GPRC6A: variants seen among roughly 807,000 people sequenced by gnomAD.
GPRC6A encodes the protein G protein-coupled receptor class C group 6 member A, also known as G protein-coupled receptor family C group 6 member A.
In GPRC6A, 54 loss-of-function variants were observed where a neutral mutation model predicts 47.0. That is an observed-to-expected ratio of 1.15 (90% confidence interval 0.92 to 1.44). The LOEUF is 1.44. Ranked by LOEUF, GPRC6A falls within the 40% of genes most tolerant of loss-of-function variation. The pLI is 0.00. For missense variants in GPRC6A, 1,112 were observed against 1,105.5 expected (o/e 1.01, Z -0.08); for synonymous variants, 347 against 377.1 (o/e 0.92, Z 0.93).
At chr6:116,797,127 T>C (rs1366162810) in intron 4 of GPRC6A, among the ~76,000 whole-genome samples, 1 of 151,780 alleles carries the variant, frequency 6.6e-6, no homozygotes, top group Non-Finnish European at 1.5e-5. Context: ...AGTGAGAATA[T>C]GAGGTGTTTG....
At chr6:116,795,406 C>T (rs1416840321) in intron 5 of GPRC6A, among the ~76,000 whole-genome samples, 2 of 152,034 alleles carry the variant, frequency 1.3e-5, no homozygotes, top group Admixed American at 1.3e-4. Context: ...GATACATGGA[C>T]AAAATTGACA....
rs146010703 is a variant in GPRC6A at position 116,792,811 on chromosome 6, C to T, written c.2112G>A (p.Pro704=). The T allele has an allele frequency of 1.7e-4, 269 of 1,613,938 alleles. 1 individual carries two copies. In the African/African-American group the frequency reaches 2.5e-3, roughly 15 times the overall value. The change falls in exon 6 of 6, where the codon CCG becomes CCA. Residue 704 remains proline (P), a synonymous_variant. Coordinates refer to ENST00000310357, the MANE Select transcript of GPRC6A (RefSeq NM_148963.4). ...CCGTGCAAGTGAAGATAATAAGGAT[C>T]GGTCTATAGAGGCACTTCAGAAATT... ...LQKFLKCLYR[P]ILIIFTCTGI... is the part of the protein sequence containing the mutation.
intron 1 of GPRC6A, among the ~76,000 whole-genome samples, chr6:116,815,311 C>T (rs1238131216): frequency 2.0e-5 from 3 of 152,010 alleles, no homozygotes; most frequent in Non-Finnish European, 4.4e-5. Flanking sequence ...GATGAAACCC[C>T]AACTCTACTA....
At chr6:116,810,754 T>G (rs1259207708) in intron 1 of GPRC6A, among the ~76,000 whole-genome samples, 2 of 151,942 alleles carry the variant, frequency 1.3e-5, no homozygotes, top group Non-Finnish European at 2.9e-5. Context: ...TTAAGAAATT[T>G]TAATTTAATT....
At chr6:116,794,589 A>G (rs978631350) in intron 5 of GPRC6A, among the ~76,000 whole-genome samples, 4 of 152,198 alleles carry the variant, frequency 2.6e-5, no homozygotes, top group African/African-American at 9.6e-5. Flanking sequence ...TTTATGGAAA[A>G]TAAATGTTAC....
chr6:116,823,075 T>A (rs1412235071), intron 1 of GPRC6A, among the ~76,000 whole-genome samples: 1 of 152,024 alleles, frequency 6.6e-6, no homozygotes, highest in Non-Finnish European at 1.5e-5. Flanking sequence ...CTTCAATTCC[T>A]CCCCCAGAAA....
At chr6:116,811,527 T>C (rs997177670) in intron 1 of GPRC6A, among the ~76,000 whole-genome samples, 1 of 151,914 alleles carries the variant, frequency 6.6e-6, no homozygotes, top group Non-Finnish European at 1.5e-5. Flanking sequence ...AAGCAATTAA[T>C]GAAATTCCAG....
chr6:116,816,607 G>C (rs1216286910), intron 1 of GPRC6A, among the ~76,000 whole-genome samples: 2 of 152,234 alleles, frequency 1.3e-5, no homozygotes, highest in African/African-American at 4.8e-5. Context: ...GGTGATTTCT[G>C]CATTTCCATC....
intron 1 of GPRC6A, 48 bp downstream of exon 1, chr6:116,828,772 T>A (rs1366208693): frequency 6.6e-7 from 1 of 1,515,702 alleles, no homozygotes; most frequent in Non-Finnish European, 9.0e-7. Context: ...TATGTCCTAG[T>A]CTCATGACAA....
In GPRC6A at chr6:116,807,059, T is replaced by A; in HGVS notation, c.646A>T (p.Thr216Ser). Reference protein sequence around the residue: ...SGWNWIGIITTDDDYGRLALN... With the variant: ...SGWNWIGIITSDDDYGRLALN... ...GCCAATCGTCCATAGTCATCATCTG[T>A]GGTTATGATGCCAATCCAGTTCCAA... Residue 216 changes from threonine to serine, a missense_variant, in exon 3 of 6, where the codon ACA (threonine) becomes TCA (serine). Thr to Ser is a moderately conservative substitution (Grantham distance 58, BLOSUM62 1). Transcript: ENST00000310357. 6.2e-7 allele frequency: 1 copy of A among 1,613,666 alleles called. No individual in the cohort carries two copies.
chr6:116,828,747 C>G lies in GPRC6A; in HGVS notation c.194+73G>C, dbSNP rs1340580047. The G allele has an allele frequency of 1.7e-5, 20 of 1,203,728 alleles. No individual in the cohort carries two copies. The Middle Eastern group carries it at 6.0e-4, about 36-fold the overall frequency. 74.6% of individuals were successfully genotyped at this position (1,203,728 alleles called of 1,614,324 possible). ...TTTTTAAATGATTTAGATATTAATACAAGTTAACAGTTTATATGTCCTAGT... is the reference window on the plus strand; with the variant it reads ...TTTTTAAATGATTTAGATATTAATAGAAGTTAACAGTTTATATGTCCTAGT... On this transcript the variant is annotated intron_variant, in intron 1 of 5. Transcript: ENST00000310357.
chr6:116,807,572 T>C (rs1772895894), intron 2 of GPRC6A, among the ~76,000 whole-genome samples: 2 of 152,204 alleles, frequency 1.3e-5, no homozygotes, highest in Admixed American at 1.3e-4. Flanking sequence ...AACATCAGTG[T>C]GTGCAAAATC....
In GPRC6A at chr6:116,824,871, T is replaced by G. The variant is rs188956924; in HGVS notation, c.194+3949A>C. Reference sequence around the variant, plus strand: ...AATACTAGTGAACAGAATTCAACAGTGCGTCACAAAGATAATACACCATGA... The same window carrying G: ...AATACTAGTGAACAGAATTCAACAGGGCGTCACAAAGATAATACACCATGA... On this transcript the variant is annotated intron_variant, in intron 1 of 5. Coordinates refer to ENST00000310357, the MANE Select transcript of GPRC6A (RefSeq NM_148963.4). 8.6e-5 allele frequency among the ~76,000 whole-genome samples: 13 copies of G among 152,024 alleles called. 1 individual carries two copies. The highest frequency in any genetic ancestry group is 8.5e-4 in the Admixed American group (13 of 15,242).
In GPRC6A at chr6:116,829,020, A is replaced by G; in HGVS notation, c.-7T>C. ...GTATAATTAAGAATGCCATGTTTCTATCTCATTTGCTCAGTTCATGTGAGT... is the reference window on the plus strand; with the variant it reads ...GTATAATTAAGAATGCCATGTTTCTGTCTCATTTGCTCAGTTCATGTGAGT... On this transcript the variant is annotated 5_prime_UTR_variant, in exon 1 of 6. The change abolishes the stop of an existing upstream ORF in the 5' untranslated region. Transcript: ENST00000310357. 2 of 1,608,182 alleles carry G rather than the reference A, an allele frequency of 1.2e-6. No homozygotes were observed. The highest frequency in any genetic ancestry group is 1.1e-5 in the South Asian group (1 of 90,314).
In GPRC6A at chr6:116,800,755, C is replaced by A. The variant is rs1772647806; in HGVS notation, c.1377G>T (p.Trp459Cys). The A allele has an allele frequency of 1.2e-6, 2 of 1,610,932 alleles. No individual in the cohort carries two copies. Among genetic ancestry groups the A allele is most frequent in the Admixed American group, 1.7e-5 (1 of 59,932 alleles). Residue 459 changes from tryptophan (W) to cysteine (C), a missense_variant, in exon 4 of 6, where the codon TGG becomes TGT. Coordinates refer to ENST00000310357, the MANE Select transcript of GPRC6A (RefSeq NM_148963.4). ...CGTGAGCATCAAAATGAAATGAATTCCATCCATCAGTGAATGTCACATTTT... is the reference window on the plus strand; with the variant it reads ...CGTGAGCATCAAAATGAAATGAATTACATCCATCAGTGAATGTCACATTTT... ...VLKNVTFTDG[W>C]NSFHFDAHGD... is the part of the protein sequence containing the mutation.
chr6:116,818,663 A>T (rs1582475349), intron 1 of GPRC6A, among the ~76,000 whole-genome samples: 1 of 149,408 alleles, frequency 6.7e-6, no homozygotes. Context: ...ATGCTGAGAG[A>T]TTTTGTCACC....
chr6:116,799,079 C>T (rs896846800), intron 4 of GPRC6A, among the ~76,000 whole-genome samples: 14 of 152,050 alleles, frequency 9.2e-5, no homozygotes, highest in African/African-American at 2.7e-4. Context: ...AGAATCCCAG[C>T]AGGTTTTCTC....
In GPRC6A at chr6:116,818,532, T is replaced by TCAAAAAAAAAAAAAAAAAAAAAAAAAA. The variant is rs1554263527; in HGVS notation, c.195-8916_195-8915insTTTTTTTTTTTTTTTTTTTTTTTTTTG. 1.3e-4 allele frequency among the ~76,000 whole-genome samples: 2 copies of TCAAAAAAAAAAAAAAAAAAAAAAAAAA among 15,504 alleles called. 1 individual carries two copies. The highest frequency in any genetic ancestry group is 3.4e-4 in the Non-Finnish European group (2 of 5,892). The allele number at this position is 15,504 out of a possible 152,430, so 10.2% of individuals were successfully genotyped here. ...CTGGGCGACAGAGCGAGACTCCGTC[T>TCAAAAAAAAAAAAAAAAAAAAAAAAAA]AAAAAAAAAAAAAAAAAAAAAAAAA... On this transcript the variant is annotated intron_variant, in intron 1 of 5. Transcript: ENST00000310357.
chr6:116,816,966 GC>G (rs1773238813), intron 1 of GPRC6A, among the ~76,000 whole-genome samples: 1 of 151,698 alleles, frequency 6.6e-6, no homozygotes, highest in East Asian at 1.9e-4. Flanking sequence ...GGGGAGGGGC[GC>G]CCGCCATTGC....
Sources: gnomAD v4.1 joint callset for allele counts (sites outside exome capture counted in the v4.1 genomes callset) on GRCh38, gnomAD v4.1.1 for gene constraint, MANE v1.5 for transcripts, NCBI Gene and HGNC (gene_info 2026-07-23, HGNC 2026-07-21) for gene names.